Variants in DIPK2B observed in about 807,000 individuals in gnomAD.
DIPK2B encodes UPF0672 protein CXorf36.
A neutral mutation model predicts 22.2 loss-of-function variants in DIPK2B; 15 were observed. The observed-to-expected ratio is 0.68, with a 90% CI of 0.45 to 1.04. The LOEUF is 1.04. Ranked by LOEUF, DIPK2B falls within the 50% of genes least tolerant of loss-of-function variation. The pLI, the probability that DIPK2B is intolerant of heterozygous loss-of-function variation, is 0.00. For missense variants in DIPK2B, 345 were observed against 348.3 expected, an observed-to-expected ratio of 0.99 and a Z score of 0.08; for synonymous variants, 163 against 153.2, an observed-to-expected ratio of 1.06 and a Z score of -0.47.
chrX:45,182,571 T>C (rs766528607), intron 2 of DIPK2B, among the ~76,000 whole-genome samples: 1 of 112,996 alleles, frequency 8.8e-6, no homozygotes, highest in Non-Finnish European at 1.9e-5. Context: ...AATAGATATG[T>C]ACAATAATGT....
intron 2 of DIPK2B, chrX:45,164,063 C>A: frequency 9.8e-7 from 1 of 1,015,921 alleles, no homozygotes; most frequent in Non-Finnish European, 1.3e-6. Context: ...ATGGGAGCTG[C>A]ATGTGAAGGT....
chrX:45,166,818 A>G (rs2047051401), intron 2 of DIPK2B, among the ~76,000 whole-genome samples: 1 of 112,599 alleles, frequency 8.9e-6, no homozygotes, highest in African/African-American at 3.2e-5. Flanking sequence ...AGCCCGTCTC[A>G]GTAAGAAGGT....
intron 2 of DIPK2B, among the ~76,000 whole-genome samples, chrX:45,172,558 G>A (rs1010872447): frequency 1.8e-5 from 2 of 110,660 alleles, no homozygotes; most frequent in South Asian, 3.9e-4. Flanking sequence ...CTTTCCTCTC[G>A]CCTCCCACTT....
intron 1 of DIPK2B, among the ~76,000 whole-genome samples, chrX:45,197,039 C>A (rs903463685): frequency 1.8e-5 from 2 of 111,832 alleles, no homozygotes; most frequent in African/African-American, 6.5e-5. Context: ...TTCAGCATAT[C>A]CAGCCAGCCT....
At chrX:45,171,269 C>A (rs1483923982) in intron 2 of DIPK2B, among the ~76,000 whole-genome samples, 2 of 111,086 alleles carry the variant, frequency 1.8e-5, no homozygotes, top group Non-Finnish European at 3.8e-5. Flanking sequence ...CCTACTTTTG[C>A]CATGAAGATT....
intron 2 of DIPK2B, among the ~76,000 whole-genome samples, chrX:45,186,388 C>G (rs2047183625): frequency 9.0e-6 from 1 of 111,262 alleles, no homozygotes; most frequent in Non-Finnish European, 1.9e-5. Flanking sequence ...CTCTGTTCCT[C>G]CAAGACCATT....
At chrX:45,192,111 A>G (rs2047214906) in intron 1 of DIPK2B, 96 bp from the exon 2 acceptor site, 3 of 895,489 alleles carry the variant, frequency 3.4e-6, no homozygotes, top group Admixed American at 3.7e-5. Flanking sequence ...CAACTGATCC[A>G]TTTCTCCTAC....
Position 45,166,598 on chromosome X carries a change from C to A in DIPK2B, c.499-8710G>T, listed in dbSNP as rs191494751. On this transcript the variant is annotated intron_variant, in intron 2 of 4. Coordinates refer to ENST00000398000, the MANE Select transcript of DIPK2B (RefSeq NM_176819.4). The stretch of plus-strand genomic sequence containing the variant: ...CCGGTATAACCACATTATCCTCAAG[C>A]CCATCTTCCATCTTAATTGTCCAAC... Among the ~76,000 whole-genome samples the A allele has an allele frequency of 7.6e-4, 85 of 111,879 alleles. No individual in the cohort carries two copies. The East Asian group carries it at 0.015, about 19-fold the overall frequency.
At chrX:45,167,034 A>G (rs763588502) in intron 2 of DIPK2B, among the ~76,000 whole-genome samples, 43 of 112,845 alleles carry the variant, frequency 3.8e-4, no homozygotes, top group African/African-American at 1.4e-3. Flanking sequence ...AATGGGACTT[A>G]GGTTAATCAT....
At chrX:45,175,991 T>G (rs912727074) in intron 2 of DIPK2B, among the ~76,000 whole-genome samples, 3 of 108,443 alleles carry the variant, frequency 2.8e-5, no homozygotes, top group Non-Finnish European at 3.8e-5. Flanking sequence ...GAGGGTGCTG[T>G]AGGGGAGGAG....
chrX:45,157,979 T>G, intron 2 of DIPK2B, 91 bp from the exon 3 acceptor site: 1 of 92,872 alleles, frequency 1.1e-5, no homozygotes, highest in Non-Finnish European at 1.6e-5. Flanking sequence ...GGGCAGATCC[T>G]GCTGTTGGGG....
intron 1 of DIPK2B, among the ~76,000 whole-genome samples, chrX:45,193,804 A>C (rs1325889572): frequency 9.0e-6 from 1 of 111,674 alleles, no homozygotes; most frequent in African/African-American, 3.3e-5. Flanking sequence ...ACTATGGGAA[A>C]AGATCCTCCC....
Position 45,151,884 on chromosome X carries a change from C to T in DIPK2B, c.1070G>A (p.Ser357Asn). Residue 357 changes from serine (S) to asparagine (N), a missense_variant, in exon 5 of 5, where the codon AGC (serine) becomes AAC (asparagine). Ser to Asn is a conservative substitution (Grantham distance 46). Coordinates refer to ENST00000398000, the MANE Select transcript of DIPK2B (RefSeq NM_176819.4). Reference protein sequence around the residue: ...PSCESISEKQSLVLVCQKLLP... With the variant: ...PSCESISEKQNLVLVCQKLLP... ...CAACTTCTGACACACCAGCACCAGG[C>T]TCTGCTTCTCAGAGATGCTTTCGCA... is the stretch of plus-strand genomic sequence containing the variant. 8.3e-7 allele frequency: 1 copy of T among 1,210,387 alleles called. No individual in the cohort carries two copies. The highest frequency in any genetic ancestry group is 1.8e-5 in the South Asian group (1 of 56,687).
intron 4 of DIPK2B, among the ~76,000 whole-genome samples, chrX:45,153,524 C>A (rs866049766): frequency 2.3e-5 from 1 of 44,338 alleles, no homozygotes; most frequent in East Asian, 8.3e-4. Context: ...GTGTGTGTGA[C>A]AGAGAGAGAG....
At chrX:45,176,144 A>G (rs776776921) in intron 2 of DIPK2B, among the ~76,000 whole-genome samples, 4 of 110,646 alleles carry the variant, frequency 3.6e-5, no homozygotes, top group Non-Finnish European at 7.6e-5. Context: ...TATTAAGGTA[A>G]AACAGACAAC....
At chrX:45,184,930 AT>A (rs781676199) in intron 2 of DIPK2B, among the ~76,000 whole-genome samples, 74 of 110,241 alleles carry the variant, frequency 6.7e-4, no homozygotes, top group African/African-American at 1.4e-3. Context: ...CTGCTTTGGT[AT>A]TTTTTTTTCC....
chrX:45,189,433 G>A (rs1347781500), intron 2 of DIPK2B, among the ~76,000 whole-genome samples: 1 of 111,279 alleles, frequency 9.0e-6, no homozygotes, highest in East Asian at 2.8e-4. Flanking sequence ...GGCCAATATG[G>A]TGAAACTCTG....
chrX:45,182,753 G>A (rs1262526963), intron 2 of DIPK2B, among the ~76,000 whole-genome samples: 1 of 113,142 alleles, frequency 8.8e-6, no homozygotes, highest in Non-Finnish European at 1.9e-5. Flanking sequence ...AGCATGATGT[G>A]TTGTGTACAT....
At chrX:45,159,024 A>T (rs1343713712) in intron 2 of DIPK2B, among the ~76,000 whole-genome samples, 2 of 110,944 alleles carry the variant, frequency 1.8e-5, no homozygotes, top group Non-Finnish European at 3.8e-5. Context: ...CCCTCTCCAT[A>T]AACTACCCAG....
Sources: allele counts gnomAD v4.1 joint callset (sites outside exome capture counted in the v4.1 genomes callset), GRCh38; gene constraint gnomAD v4.1.1; transcripts MANE v1.5; gene names NCBI Gene and HGNC (gene_info 2026-07-23, HGNC 2026-07-21).